Variants in GPRC5B observed in about 807,000 individuals in gnomAD.
GPRC5B encodes G protein-coupled receptor class C group 5 member B, also known as G protein-coupled receptor family C group 5 member B.
GPRC5B carries 16 observed loss-of-function variants against 30.1 expected under a neutral mutation model. That is an observed-to-expected ratio of 0.53 (90% CI 0.36 to 0.81). The LOEUF (loss-of-function observed/expected upper bound fraction) is 0.81. Ranked by LOEUF, GPRC5B falls within the 30% of genes least tolerant of loss-of-function variation. GPRC5B has a pLI of 0.01. For synonymous variants in GPRC5B, 241 were observed against 239.5 expected (o/e 1.01, Z -0.06); for missense variants, 428 against 544.7 (o/e 0.79, Z 2.13).
chr16:19,882,700 T>C (rs1285991000), intron 1 of GPRC5B, among the ~76,000 whole-genome samples: 1 of 152,120 alleles, frequency 6.6e-6, no homozygotes, highest in Non-Finnish European at 1.5e-5. Context: ...TCCCATGGCC[T>C]CCCACTCAAA....
intron 2 of GPRC5B, among the ~76,000 whole-genome samples, chr16:19,866,619 A>G (rs1044916998): frequency 2.0e-5 from 3 of 151,994 alleles, no homozygotes; most frequent in Non-Finnish European, 4.4e-5. Context: ...AGCTCAAGCA[A>G]TCTGCCCGCC....
chr16:19,865,952 C>T (rs569401133), intron 2 of GPRC5B, among the ~76,000 whole-genome samples: 3 of 152,080 alleles, frequency 2.0e-5, no homozygotes, highest in South Asian at 2.1e-4. Context: ...TTTTTTGAGA[C>T]GGAGTCCCAC....
At chr16:19,885,283 C>A, upstream of GPRC5B, 1 of 1,278,070 alleles carries the variant, frequency 7.8e-7, no homozygotes, top group South Asian at 1.3e-5. The surrounding 1 kb of genome is among the most constrained non-coding windows in gnomAD (Gnocchi z 5.3). Flanking sequence ...GGTTCATAAG[C>A]AGTAACTTCC....
chr16:19,871,713 G>A, intron 2 of GPRC5B, 103 bp downstream of exon 2: 1 of 1,019,018 alleles, frequency 9.8e-7, no homozygotes, highest in Admixed American at 1.9e-5. Flanking sequence ...TGCTAGGACT[G>A]CCCCAGGTAC....
intron 2 of GPRC5B, among the ~76,000 whole-genome samples, chr16:19,865,022 A>C (rs1486542251): frequency 6.8e-6 from 1 of 147,556 alleles, no homozygotes; most frequent in Non-Finnish European, 1.5e-5. Flanking sequence ...CTCTCACCTC[A>C]GCCTCCCAAG....
rs1363386551 is a variant in GPRC5B at position 19,859,924 on chromosome 16, C to T, written c.*576G>A. ...CACCTCTACTGGCTATAAAGCTCAC[C>T]CCACGATTCAGTTGGGCCTCACCTT... On this transcript the variant is annotated 3_prime_UTR_variant, in exon 4 of 4. Transcript: ENST00000300571. The T allele has an allele frequency of 6.5e-6, 1 of 153,144 alleles. No homozygotes were observed. Among genetic ancestry groups the T allele is most frequent in the Non-Finnish European group, 1.5e-5 (1 of 68,460 alleles). The allele number at this position is 153,144 out of a possible 1,614,324, so 9.5% of individuals were successfully genotyped here. A position where few individuals can be genotyped will look rare whatever the true frequency, so the allele number is the denominator to read the frequency against.
intron 1 of GPRC5B, among the ~76,000 whole-genome samples, chr16:19,879,576 T>C (rs1257899686): frequency 6.6e-6 from 1 of 151,884 alleles, no homozygotes; most frequent in Non-Finnish European, 1.5e-5. Flanking sequence ...ATTCCTTGTG[T>C]GAGAAGGAAA....
intron 1 of GPRC5B, among the ~76,000 whole-genome samples, chr16:19,883,055 C>T (rs544550273): frequency 1.3e-5 from 2 of 152,262 alleles, no homozygotes; most frequent in Admixed American, 1.3e-4. Context: ...TTTTCCTGGC[C>T]GTCCTCACCC....
intron 2 of GPRC5B, among the ~76,000 whole-genome samples, chr16:19,867,584 C>T (rs2056677681): frequency 6.6e-6 from 1 of 152,154 alleles, no homozygotes; most frequent in Non-Finnish European, 1.5e-5. Flanking sequence ...TGGTTCTTCA[C>T]CTTTTGGGGG....
upstream of GPRC5B, chr16:19,884,925 GC>G: frequency 1.1e-6 from 1 of 894,760 alleles, no homozygotes; most frequent in Non-Finnish European, 1.3e-6. Flanking sequence ...CCCCGCCCCC[GC>G]CCCCGCCCCC....
rs1420140088 is a variant in GPRC5B at position 19,858,533 on chromosome 16, G to A, written c.*1967C>T. ...CCAAAGGACTCCAGAGAGCGGGGGT[G>A]AGTAACCATTTCCTGGCACGAGAAT... On this transcript the variant is annotated 3_prime_UTR_variant, in exon 4 of 4. Transcript: ENST00000300571. 4 of 693,114 alleles carry A rather than the reference G, an allele frequency of 5.8e-6. No homozygotes were observed. The highest frequency in any genetic ancestry group is 1.5e-5 in the South Asian group (1 of 65,828). The allele number at this position is 693,114 out of a possible 1,614,324, so 42.9% of individuals were successfully genotyped here. A position where few individuals can be genotyped will look rare whatever the true frequency, so the allele number is the denominator to read the frequency against.
chr16:19,859,114 A>T lies in GPRC5B; in HGVS notation c.*1386T>A, dbSNP rs774501441. On this transcript the variant is annotated 3_prime_UTR_variant, in exon 4 of 4. Coordinates refer to ENST00000300571, the MANE Select transcript of GPRC5B (RefSeq NM_016235.3). ...AAGGCTTATGGGTAGTTTTATAGAA[A>T]AAGCAATGTAGTGATTAGAGTATCT... is the stretch of plus-strand genomic sequence containing the variant. 2 of 152,674 alleles carry T rather than the reference A, an allele frequency of 1.3e-5. No individual in the cohort carries two copies. The highest frequency in any genetic ancestry group is 6.5e-5 in the Admixed American group (1 of 15,276). The allele number at this position is 152,674 out of a possible 1,614,324, so 9.5% of individuals were successfully genotyped here. A position where few individuals can be genotyped will look rare whatever the true frequency, so the allele number is the denominator to read the frequency against.
At chr16:19,884,404 G>C (rs1392427054) in intron 1 of GPRC5B, among the ~76,000 whole-genome samples, 1 of 151,106 alleles carries the variant, frequency 6.6e-6, no homozygotes, top group African/African-American at 2.4e-5. Flanking sequence ...TACCCTCCCA[G>C]CTGCCCTTCA....
Position 19,872,026 on chromosome 16 carries a change from T to G in GPRC5B, c.820A>C (p.Ile274Leu). 1 of 1,614,026 alleles carries G rather than the reference T, an allele frequency of 6.2e-7. No homozygotes were observed. Among genetic ancestry groups the G allele is most frequent in the Non-Finnish European group, 8.5e-7 (1 of 1,179,970 alleles). ...GDAWNDPTLA[I>L]TLAASGWVFV... ...ACCCAGCCGCTGGCCGCCAGCGTGA[T>G]GGCCAAGGTGGGGTCGTTCCAGGCA... Residue 274 changes from isoleucine to leucine, a missense_variant, in exon 2 of 4, where the codon ATC (isoleucine) becomes CTC (leucine). Coordinates refer to ENST00000300571, the MANE Select transcript of GPRC5B (RefSeq NM_016235.3). This position sits in a 1 kb window ranked among gnomAD's most constrained non-coding sequence, Gnocchi z 5.0.
At chr16:19,862,958 A>G (rs1158895577) in intron 2 of GPRC5B, among the ~76,000 whole-genome samples, 1 of 152,214 alleles carries the variant, frequency 6.6e-6, no homozygotes, top group Non-Finnish European at 1.5e-5. Context: ...CTAAAAAGCA[A>G]CAAGAGAGCT....
intron 2 of GPRC5B, among the ~76,000 whole-genome samples, chr16:19,863,888 G>GTGGAA (rs2056646725): frequency 6.6e-6 from 1 of 152,082 alleles, no homozygotes; most frequent in African/African-American, 2.4e-5. Flanking sequence ...AGAATCTAAT[G>GTGGAA]CTTGACAATC....
chr16:19,864,468 A>G (rs1457670631), intron 2 of GPRC5B, among the ~76,000 whole-genome samples: 1 of 152,246 alleles, frequency 6.6e-6, no homozygotes, highest in Non-Finnish European at 1.5e-5. Context: ...ATACTTACTA[A>G]TAAGCAGCAG....
Position 19,860,317 on chromosome 16 carries a change from G to C in GPRC5B, c.*183C>G. On this transcript the variant is annotated 3_prime_UTR_variant, in exon 4 of 4. Coordinates refer to ENST00000300571, the MANE Select transcript of GPRC5B (RefSeq NM_016235.3). ...GTGGCAGGGGAGGGGCGGGCAGTCGGTGTTAGCTTTTCAGTTCGTCAGTGT... is the reference window on the plus strand; with the variant it reads ...GTGGCAGGGGAGGGGCGGGCAGTCGCTGTTAGCTTTTCAGTTCGTCAGTGT... 2 of 588,294 alleles carry C rather than the reference G, an allele frequency of 3.4e-6. No homozygotes were observed. Among genetic ancestry groups the C allele is most frequent in the Non-Finnish European group, 6.1e-6 (2 of 329,028 alleles). The allele number at this position is 588,294 out of a possible 1,614,324, so 36.4% of individuals were successfully genotyped here. A position where few individuals can be genotyped will look rare whatever the true frequency, so the allele number is the denominator to read the frequency against.
chr16:19,885,504 C>T, upstream of GPRC5B: 1 of 1,128,944 alleles, frequency 8.9e-7, no homozygotes, highest in Non-Finnish European at 1.1e-6. This position sits in a 1 kb window ranked among gnomAD's most constrained non-coding sequence, Gnocchi z 5.3. Flanking sequence ...CCAACACCCG[C>T]TTCCTTGGCC....
Sources: gnomAD v4.1 joint callset for allele counts (sites outside exome capture counted in the v4.1 genomes callset) on GRCh38, gnomAD v4.1.1 for gene constraint, Gnocchi (gnomAD v3.1) non-coding constraint, MANE v1.5 for transcripts, NCBI Gene and HGNC (gene_info 2026-07-23, HGNC 2026-07-21) for gene names.